Variants in MYH3 observed in about 807,000 individuals in gnomAD.
MYH3 encodes the protein myosin-3.
A neutral mutation model predicts 238.0 loss-of-function variants in MYH3; 130 were observed. The observed-to-expected ratio is 0.55, with a 90% confidence interval of 0.47 to 0.63. The LOEUF (loss-of-function observed/expected upper bound fraction) is 0.63. Ranked by LOEUF, MYH3 falls within the 30% of genes least tolerant of loss-of-function variation. The pLI, the probability that MYH3 is intolerant of heterozygous loss-of-function variation, is 0.00. For missense variants in MYH3, 1,853 were observed against 2,374.9 expected, an observed-to-expected ratio of 0.78 and a Z score of 4.57; for synonymous variants, 880 against 924.1, an observed-to-expected ratio of 0.95 and a Z score of 0.86.
the MYH3 span, among the ~76,000 whole-genome samples, chr17:10,671,973 T>C: frequency 1.3e-5 from 2 of 152,318 alleles, no homozygotes; most frequent in South Asian, 2.1e-4. Flanking sequence ...AACTCTTTGT[T>C]ATATATTTTT....
rs776665969 is a variant in MYH3, at chr17:10,637,804, C to G, written c.3856+5G>C. On this transcript the variant is annotated splice_donor_5th_base_variant and intron_variant, in intron 28 of 40. Coordinates refer to ENST00000583535, the MANE Select transcript of MYH3 (RefSeq NM_002470.4). ...GGCCCCACGGGTTTTCTGCACGTGG[C>G]TTACCAGCCTCGGTCTGCAAACGAG... 6.2e-7 allele frequency: 1 copy of G among 1,614,052 alleles called. No homozygotes were observed.
At position 10,630,321 on chromosome 17, in the gene MYH3, G is replaced by T. The variant is rs758637062; in HGVS notation, c.5424C>A (p.Gly1808=). 1 of 1,614,160 alleles carries T rather than the reference G, an allele frequency of 6.2e-7. No homozygotes were observed. The highest frequency in any genetic ancestry group is 8.5e-7 in the Non-Finnish European group (1 of 1,180,038). Residue 1808 remains glycine, a synonymous_variant, in exon 37 of 41, where the codon GGC becomes GGA. Transcript: ENST00000583535. ...LDEAEQLALK[G]GKKQIQKLET... ...CCAGTTTCTGGATCTGCTTCTTCCCGCCCTTCAGCGCCAGCTGCTCGGCCT... is the reference window on the plus strand; with the variant it reads ...CCAGTTTCTGGATCTGCTTCTTCCCTCCCTTCAGCGCCAGCTGCTCGGCCT...
At chr17:10,645,673 C>G (rs1039080342) in intron 12 of MYH3, 34 bp downstream of exon 12, 1 of 1,611,280 alleles carries the variant, frequency 6.2e-7, no homozygotes, top group African/African-American at 1.3e-5. Context: ...AGATCAGCCA[C>G]CCGCTCTGGT....
chr17:10,650,817 C>T (rs2074367097), intron 5 of MYH3, among the ~76,000 whole-genome samples: 1 of 152,174 alleles, frequency 6.6e-6, no homozygotes, highest in Admixed American at 6.6e-5. Flanking sequence ...TTTCTCCTTT[C>T]CAGCTGTATC....
chr17:10,646,009 G>A lies in MYH3; in HGVS notation c.922C>T (p.Pro308Ser). 6.2e-7 allele frequency: 1 copy of A among 1,613,960 alleles called. No homozygotes were observed. The highest frequency in any genetic ancestry group is 8.5e-7 in the Non-Finnish European group (1 of 1,179,970). The change falls in exon 11 of 41, where the codon CCT becomes TCT. Residue 308 changes from proline to serine, a missense_variant. Pro to Ser is a moderately conservative substitution (Grantham distance 74). Coordinates refer to ENST00000583535, the MANE Select transcript of MYH3 (RefSeq NM_002470.4). ...TGGCTAATGAACGGGTAGTCGTAAG[G>A]GTTGGTCGTAATAAGCAGCAGCTCT... ...LIELLLITTN[P>S]YDYPFISQGE...
In MYH3 at chr17:10,632,569, C is replaced by T; in HGVS notation, c.4863G>A (p.Gly1621=). The change falls in exon 34 of 41, where the codon GGG becomes GGA. Residue 1621 remains glycine, a synonymous_variant. Transcript: ENST00000583535. ...EAIRLKKKME[G]DLNEIEIQLS... The stretch of plus-strand genomic sequence containing the variant: ...GCTGGATCTCGATTTCATTCAGGTC[C>T]CCCTCCATCTTCTTCTTGAGCCGGA... 3 of 1,614,170 alleles carry T rather than the reference C, an allele frequency of 1.9e-6. No individual in the cohort carries two copies. Among genetic ancestry groups the T allele is most frequent in the East Asian group, 2.2e-5 (1 of 44,868 alleles).
chr17:10,672,079 C>T, the MYH3 span, among the ~76,000 whole-genome samples: 1 of 152,122 alleles, frequency 6.6e-6, no homozygotes, highest in South Asian at 2.1e-4. Context: ...TTGGTGGTTA[C>T]AAAAACAGGC....
rs1366876677 is a variant in MYH3 at position 10,641,384 on chromosome 17, A to AG, written c.1960-13_1960-12insC. ...TTGTTCAGGTTTTCCTAAGAGAAAA[A>AG]AAAAATGACATTTGCCATCCTACTG... On this transcript the variant is annotated splice_polypyrimidine_tract_variant and intron_variant, in intron 17 of 40. Coordinates refer to ENST00000583535, the MANE Select transcript of MYH3 (RefSeq NM_002470.4). The AG allele has an allele frequency of 6.3e-7, 1 of 1,583,052 alleles. No homozygotes were observed. Among genetic ancestry groups the AG allele is most frequent in the Admixed American group, 1.7e-5 (1 of 59,974 alleles).
At position 10,631,745 on chromosome 17, in the gene MYH3, A is replaced by G. The variant is rs765781596; in HGVS notation, c.5161-9T>C. The stretch of plus-strand genomic sequence containing the variant: ...TGGATGAGGCTGGTGTTCTAGGGCA[A>G]GAGGAGGGCTGTTAACCAGGTGCGT... On this transcript the variant is annotated splice_polypyrimidine_tract_variant and intron_variant, in intron 35 of 40. Transcript: ENST00000583535. 9 of 1,614,044 alleles carry G rather than the reference A, an allele frequency of 5.6e-6. No individual in the cohort carries two copies. The South Asian group carries it at 9.9e-5, about 18-fold the overall frequency.
rs2142395131 is a variant in MYH3, at chr17:10,638,126, G to A, written c.3646C>T (p.Gln1216Ter). The change falls in exon 27 of 41, where the codon CAG (glutamine) becomes TAG (stop). Residue 1216 changes from glutamine to a stop codon, truncating the protein, a stop_gained. Coordinates refer to ENST00000583535, the MANE Select transcript of MYH3 (RefSeq NM_002470.4). LOFTEE classifies it high-confidence loss of function. ...TCGCTCTTCTCCTTCTCCAGCTTCT[G>A]CTTGACCCGCTGCAGGTTGTCAATC... The part of the protein sequence containing the change: ...EQIDNLQRVK[Q>*]KLEKEKSEFK... The A allele has an allele frequency of 6.2e-7, 1 of 1,613,678 alleles. No homozygotes were observed. The highest frequency in any genetic ancestry group is 8.5e-7 in the Non-Finnish European group (1 of 1,179,962).
intron 12 of MYH3, 21 bp from the exon 13 acceptor site, chr17:10,644,723 G>A: frequency 1.3e-6 from 2 of 1,569,042 alleles, no homozygotes; most frequent in Non-Finnish European, 1.8e-6. Context: ...AACAAGGACA[G>A]TGCTTAGAAA....
At position 10,630,330 on chromosome 17, in the gene MYH3, C is replaced by G. The variant is rs373682120; in HGVS notation, c.5415G>C (p.Ala1805=). 7.7e-5 allele frequency: 125 copies of G among 1,614,180 alleles called. 3 individuals are homozygous for G. The East Asian group carries it at 9.4e-4, about 12-fold the overall frequency. ...QHRLDEAEQL[A]LKGGKKQIQK... is the part of the protein sequence containing the mutation. The stretch of plus-strand genomic sequence containing the variant: ...GGATCTGCTTCTTCCCGCCCTTCAG[C>G]GCCAGCTGCTCGGCCTCATCTAGAC... Residue 1805 remains alanine, a synonymous_variant, in exon 37 of 41, where the codon GCG becomes GCC. Transcript: ENST00000583535.
At chr17:10,629,390 T>C (rs1281333782) in intron 40 of MYH3, among the ~76,000 whole-genome samples, 6 of 152,076 alleles carry the variant, frequency 3.9e-5, no homozygotes, top group South Asian at 2.1e-4. Flanking sequence ...TAGTATTCCA[T>C]GGTGTACATG....
Position 10,637,941 on chromosome 17 carries a change from G to A in MYH3, c.3730-6C>T. The A allele has an allele frequency of 1.9e-6, 3 of 1,614,138 alleles. No homozygotes were observed. Among genetic ancestry groups the A allele is most frequent in the Non-Finnish European group, 2.5e-6 (3 of 1,180,026 alleles). ...CAGATTTTTTCCAGATTTGCCTGAA[G>A]GATTCAGAAAGGGGAGCAAAGTCAG... On this transcript the variant is annotated splice_region_variant and splice_polypyrimidine_tract_variant and intron_variant, in intron 27 of 40. Transcript: ENST00000583535.
chr17:10,660,391 T>C (rs1477541295), upstream of MYH3, among the ~76,000 whole-genome samples: 1 of 152,162 alleles, frequency 6.6e-6, no homozygotes, highest in Non-Finnish European at 1.5e-5. Flanking sequence ...AAAAATAGTT[T>C]CTGGCCGGGC....
In MYH3 at chr17:10,652,583, G is replaced by GTGCTTCACTAAGA; in HGVS notation, c.205-33_205-21dup. 9.5e-7 allele frequency: 1 copy of GTGCTTCACTAAGA among 1,055,922 alleles called. No homozygotes were observed. Among genetic ancestry groups the GTGCTTCACTAAGA allele is most frequent in the Non-Finnish European group, 1.4e-6 (1 of 717,528 alleles). The allele number at this position is 1,055,922 out of a possible 1,614,324, so 65.4% of individuals were successfully genotyped here. A position where few individuals can be genotyped will look rare whatever the true frequency, so the allele number is the denominator to read the frequency against. Reference sequence around the variant, plus strand: ...CAGGGTCTAAAAAGGAAGAGGCACAGTGCTTCACTAAGATGGTCTGCACGT... The same window carrying GTGCTTCACTAAGA: ...CAGGGTCTAAAAAGGAAGAGGCACAGTGCTTCACTAAGATGCTTCACTAAGATGGTCTGCACGT... On this transcript the variant is annotated intron_variant, in intron 3 of 40. Coordinates refer to ENST00000583535, the MANE Select transcript of MYH3 (RefSeq NM_002470.4).
chr17:10,672,864 T>C, the MYH3 span: 1 of 152,210 alleles, frequency 6.6e-6, no homozygotes, highest in South Asian at 2.1e-4. Context: ...AATTTTTAAA[T>C]ACAGTAGGCA....
the MYH3 span, among the ~76,000 whole-genome samples, chr17:10,667,761 AAC>A: frequency 6.6e-6 from 1 of 152,088 alleles, no homozygotes; most frequent in African/African-American, 2.4e-5. Flanking sequence ...TTAAAAAAAA[AAC>A]AGTGTTCTGG....
intron 6 of MYH3, 52 bp from the exon 7 acceptor site, chr17:10,649,737 CAGGCTTT>C (rs747600097): frequency 3.3e-6 from 5 of 1,520,568 alleles, no homozygotes; most frequent in African/African-American, 1.4e-5. Context: ...TTAGTATAAA[CAGGCTTT>C]TCAGGATGTC....
Sources: allele counts gnomAD v4.1 joint callset (sites outside exome capture counted in the v4.1 genomes callset), GRCh38; gene constraint gnomAD v4.1.1; transcripts MANE v1.5; gene names NCBI Gene and HGNC (gene_info 2026-07-23, HGNC 2026-07-21).